Variants in SDK1 observed in about 807,000 individuals in gnomAD.
SDK1 encodes sidekick cell adhesion molecule 1, also known as protein sidekick-1.
SDK1 carries 157 observed loss-of-function variants against 245.5 expected under a neutral mutation model. That is an observed-to-expected ratio of 0.64 (90% CI 0.56 to 0.73). The LOEUF is 0.73. Among genes scored for constraint, SDK1 ranks in the 30% least tolerant of loss-of-function variants. The pLI is 0.00. For missense variants in SDK1, 3,583 were observed against 3,002.3 expected (o/e 1.19, Z -4.52); for synonymous variants, 1,647 against 1,278.5 (o/e 1.29, Z -6.15).
intron 1 of SDK1, among the ~76,000 whole-genome samples, chr7:3,569,332 T>G (rs1315898673): frequency 6.6e-6 from 1 of 152,238 alleles, no homozygotes; most frequent in Admixed American, 6.5e-5. Context: ...TTGAGTGATC[T>G]GCTCTCTAGC....
chr7:3,646,050 G>C (rs193131636), intron 4 of SDK1, among the ~76,000 whole-genome samples: 15 of 152,080 alleles, frequency 9.9e-5, no homozygotes, highest in Non-Finnish European at 1.9e-4. Flanking sequence ...GTAGAGATGG[G>C]GTTTCACCAT....
intron 4 of SDK1, among the ~76,000 whole-genome samples, chr7:3,764,428 G>GT (rs1780192685): frequency 6.6e-6 from 1 of 152,214 alleles, no homozygotes; most frequent in Admixed American, 6.5e-5. Flanking sequence ...ACTCATGCCT[G>GT]TAATCCCAAC....
rs191467777 is a variant in SDK1, at chr7:3,559,477, T to A, written c.299-59603T>A. On this transcript the variant is annotated intron_variant, in intron 1 of 44. Transcript: ENST00000404826. Reference sequence around the variant, plus strand: ...AATGGAGAAAGATGAATGTTTCAAATTTTTTTTTAAGTGCCAGGATACTTA... The same window carrying A: ...AATGGAGAAAGATGAATGTTTCAAAATTTTTTTTAAGTGCCAGGATACTTA... Among the ~76,000 whole-genome samples the A allele has an allele frequency of 3.2e-3, 483 of 151,776 alleles. 6 individuals are homozygous for A. The East Asian group carries it at 0.051, about 16-fold the overall frequency.
chr7:4,068,670 G>A (rs1361876675), intron 20 of SDK1, among the ~76,000 whole-genome samples: 3 of 151,884 alleles, frequency 2.0e-5, no homozygotes, highest in African/African-American at 4.8e-5. Flanking sequence ...GGTTTGAGGG[G>A]GTCTCTGTGG....
rs536903739 is a variant in SDK1 at position 3,644,786 on chromosome 7, A to C, written c.713+2681A>C. On this transcript the variant is annotated intron_variant, in intron 4 of 44. Transcript: ENST00000404826. Reference sequence around the variant, plus strand: ...AGACCCTGTCTCCAAAAAAAAAAAAAAAAAAACAAAAAACAACAACAACGG... The same window carrying C: ...AGACCCTGTCTCCAAAAAAAAAAAACAAAAAACAAAAAACAACAACAACGG... Among the ~76,000 whole-genome samples, 51 of 141,162 alleles carry C rather than the reference A, an allele frequency of 3.6e-4. 1 individual carries two copies. The highest frequency in any genetic ancestry group is 3.5e-3 in the Middle Eastern group (1 of 288). 92.6% of individuals were successfully genotyped at this position (141,162 alleles called of 152,430 possible). A position where few individuals can be genotyped will look rare whatever the true frequency, so the allele number is the denominator to read the frequency against.
rs553688882 is a variant in SDK1, at chr7:3,699,779, T to C, written c.713+57674T>C. On this transcript the variant is annotated intron_variant, in intron 4 of 44. Coordinates refer to ENST00000404826, the MANE Select transcript of SDK1 (RefSeq NM_152744.4). ...GGCATTTTAAAATATGGCAAATTCG[T>C]TGAAGAATTGTTCAAAGAAATAATG... is the stretch of plus-strand genomic sequence containing the variant. Among the ~76,000 whole-genome samples, 21 of 152,228 alleles carry C rather than the reference T, an allele frequency of 1.4e-4. No homozygotes were observed. In the South Asian group the frequency reaches 4.4e-3, roughly 32 times the overall value.
chr7:4,198,853 G>C (rs1471746045), intron 35 of SDK1, among the ~76,000 whole-genome samples: 1 of 143,894 alleles, frequency 6.9e-6, no homozygotes, highest in African/African-American at 2.6e-5. Context: ...TTGCTTTGTC[G>C]CCCAGGCTGG....
chr7:3,497,510 GGAGA>G (rs1221757569), intron 1 of SDK1, among the ~76,000 whole-genome samples: 1 of 152,168 alleles, frequency 6.6e-6, no homozygotes, highest in East Asian at 1.9e-4. Context: ...TGAAGCAGCA[GGAGA>G]GAGATGATTT....
chr7:3,447,676 G>A (rs929372771), intron 1 of SDK1, among the ~76,000 whole-genome samples: 1 of 150,124 alleles, frequency 6.7e-6, no homozygotes, highest in Non-Finnish European at 1.5e-5. Context: ...ACAATGAGAC[G>A]GTAAATATCT....
chr7:3,829,387 C>A (rs1779859175), intron 5 of SDK1, among the ~76,000 whole-genome samples: 1 of 152,114 alleles, frequency 6.6e-6, no homozygotes, highest in Admixed American at 6.6e-5. Context: ...TGTCTTGAGA[C>A]CTGACAGATA....
chr7:4,174,471 C>A, intron 33 of SDK1, 114 bp downstream of exon 33: 1 of 1,196,278 alleles, frequency 8.4e-7, no homozygotes, highest in Non-Finnish European at 1.2e-6. Context: ...AGAGAAGAGG[C>A]AGCCCTGCCC....
At chr7:3,605,822 A>T (rs1000730991) in intron 1 of SDK1, among the ~76,000 whole-genome samples, 1 of 152,144 alleles carries the variant, frequency 6.6e-6, no homozygotes, top group Non-Finnish European at 1.5e-5. Flanking sequence ...AGGACATTTA[A>T]ATTTTAACTT....
intron 1 of SDK1, among the ~76,000 whole-genome samples, chr7:3,468,584 C>G (rs977085029): frequency 2.6e-5 from 4 of 152,160 alleles, no homozygotes; most frequent in African/African-American, 9.7e-5. Context: ...CGGTGTTTGA[C>G]TGTAGGTCAT....
intron 5 of SDK1, among the ~76,000 whole-genome samples, chr7:3,889,929 A>G (rs1781419792): frequency 6.6e-6 from 1 of 152,078 alleles, no homozygotes; most frequent in South Asian, 2.1e-4. Flanking sequence ...CCTTCCAGGA[A>G]ACTCCCCGCT....
intron 1 of SDK1, among the ~76,000 whole-genome samples, chr7:3,358,631 C>A (rs1780872010): frequency 6.6e-6 from 1 of 152,106 alleles, no homozygotes; most frequent in South Asian, 2.1e-4. Context: ...TCAGGAATTA[C>A]TATGCAGCTA....
intron 10 of SDK1, among the ~76,000 whole-genome samples, chr7:3,968,182 T>C (rs1442712454): frequency 6.6e-6 from 1 of 152,230 alleles, no homozygotes; most frequent in African/African-American, 2.4e-5. Flanking sequence ...AGAAAGATGC[T>C]TCCAGGGCCA....
chr7:3,632,562 C>T (rs1321376749), intron 2 of SDK1, among the ~76,000 whole-genome samples: 2 of 152,152 alleles, frequency 1.3e-5, no homozygotes, highest in East Asian at 1.9e-4. Flanking sequence ...TAGACCCTCC[C>T]ACACAGGGAC....
chr7:3,446,355 C>A (rs1469963293), intron 1 of SDK1, among the ~76,000 whole-genome samples: 1 of 152,068 alleles, frequency 6.6e-6, no homozygotes, highest in Non-Finnish European at 1.5e-5. Flanking sequence ...AAGGTATGAA[C>A]CAAGGCTTGT....
intron 4 of SDK1, among the ~76,000 whole-genome samples, chr7:3,712,503 GAAT>G (rs1200428322): frequency 5.9e-5 from 9 of 152,170 alleles, no homozygotes; most frequent in African/African-American, 2.2e-4. Context: ...TAATGCACTT[GAAT>G]CATTCCAAAA....
Sources: gnomAD v4.1 joint callset for allele counts (sites outside exome capture counted in the v4.1 genomes callset) on GRCh38, gnomAD v4.1.1 for gene constraint, MANE v1.5 for transcripts, NCBI Gene and HGNC (gene_info 2026-07-23, HGNC 2026-07-21) for gene names.